Variants in OSBP2 observed in about 807,000 individuals in gnomAD.
OSBP2 encodes the protein oxysterol-binding protein 2.
Under a neutral mutation model 96.0 loss-of-function variants are expected in OSBP2, and 66 were observed. That is an observed-to-expected ratio of 0.69 (90% CI 0.56 to 0.84). The LOEUF (loss-of-function observed/expected upper bound fraction) is 0.84. Ranked by LOEUF, OSBP2 falls within the 40% of genes least tolerant of loss-of-function variation. The pLI, the probability that OSBP2 is intolerant of heterozygous loss-of-function variation, is 0.00. For synonymous variants in OSBP2, 525 were observed against 520.9 expected (o/e 1.01, Z -0.11); for missense variants, 1,038 against 1,222.7 (o/e 0.85, Z 2.25).
chr22:30,738,473 T>A (rs532899257), intron 1 of OSBP2, among the ~76,000 whole-genome samples: 1 of 152,252 alleles, frequency 6.6e-6, no homozygotes, highest in East Asian at 1.9e-4. Flanking sequence ...GGGTTTTCCT[T>A]CAGCTACACG....
intron 9 of OSBP2, 72 bp from the exon 10 acceptor site, chr22:30,893,391 C>T: frequency 1.9e-6 from 3 of 1,545,954 alleles, no homozygotes; most frequent in South Asian, 1.1e-5. Context: ...TCTCAAGACA[C>T]CAGGCCTAAG....
intron 3 of OSBP2, among the ~76,000 whole-genome samples, chr22:30,875,974 C>T (rs2039570392): frequency 1.3e-5 from 2 of 152,234 alleles, no homozygotes; most frequent in South Asian, 4.1e-4. Context: ...TCTAAGATGA[C>T]CCAGGGCCGC....
chr22:30,762,811 G>C (rs2090222980), intron 2 of OSBP2, among the ~76,000 whole-genome samples: 1 of 152,130 alleles, frequency 6.6e-6, no homozygotes, highest in African/African-American at 2.4e-5. Flanking sequence ...TTGCTCCCAG[G>C]TGTTTGCTCC....
chr22:30,869,900 C>T (rs2039422770), intron 2 of OSBP2, among the ~76,000 whole-genome samples: 1 of 152,122 alleles, frequency 6.6e-6, no homozygotes, highest in East Asian at 1.9e-4. Context: ...CAGGCCTTTG[C>T]AGGGAACAGG....
intron 12 of OSBP2, among the ~76,000 whole-genome samples, chr22:30,898,153 C>T (rs2040107356): frequency 6.6e-6 from 1 of 151,998 alleles, no homozygotes; most frequent in East Asian, 1.9e-4. Context: ...AAAGCCTGCG[C>T]AACATAGTGA....
chr22:30,832,246 A>T (rs1569142397), intron 2 of OSBP2, among the ~76,000 whole-genome samples: 2 of 151,992 alleles, frequency 1.3e-5, no homozygotes, highest in Non-Finnish European at 2.9e-5. Context: ...CTGTATATAT[A>T]TGTAAATGAT....
intron 1 of OSBP2, among the ~76,000 whole-genome samples, chr22:30,696,562 C>T (rs145329450): frequency 4.6e-5 from 7 of 152,328 alleles, no homozygotes; most frequent in African/African-American, 1.4e-4. Context: ...CACAAAAGGA[C>T]CTTGACTTGC....
chr22:30,769,646 C>A (rs1332691097), intron 2 of OSBP2, among the ~76,000 whole-genome samples: 3 of 152,004 alleles, frequency 2.0e-5, no homozygotes, highest in Non-Finnish European at 4.4e-5. Flanking sequence ...GAGACTCCAT[C>A]TCAAAAACAA....
intron 2 of OSBP2, among the ~76,000 whole-genome samples, chr22:30,808,641 T>A (rs136257): frequency 0.18 from 26,753 of 152,226 alleles, 2,537 homozygotes; most frequent in East Asian, 0.21. Flanking sequence ...ATATGTCTGA[T>A]GTCCTTATGA....
At chr22:30,860,558 C>T (rs1054054279) in intron 2 of OSBP2, among the ~76,000 whole-genome samples, 3 of 152,254 alleles carry the variant, frequency 2.0e-5, no homozygotes, top group African/African-American at 7.2e-5. Context: ...GCCCAGCTGG[C>T]ATGGGGTCTG....
At chr22:30,897,031 GAC>G (rs1434419426) in intron 12 of OSBP2, among the ~76,000 whole-genome samples, 1 of 152,020 alleles carries the variant, frequency 6.6e-6, no homozygotes, top group Non-Finnish European at 1.5e-5. Context: ...GAAATTAAAA[GAC>G]ACATATCATG....
In OSBP2 at chr22:30,881,414, ACTCT is replaced by A. The variant is rs1349100346; in HGVS notation, c.1108-6009_1108-6006del. Among the ~76,000 whole-genome samples the A allele has an allele frequency of 6.6e-6, 1 of 151,670 alleles. No individual in the cohort carries two copies. The highest frequency in any genetic ancestry group is 1.9e-4 in the East Asian group (1 of 5,172). On this transcript the variant is annotated intron_variant, in intron 3 of 13. Coordinates refer to ENST00000332585, the MANE Select transcript of OSBP2 (RefSeq NM_030758.4). The surrounding 1 kb of genome is among the most constrained non-coding windows in gnomAD (Gnocchi z 4.5). ...CCTCCAGCTCCCACTAGGACCCCTC[ACTCT>A]CTTCCCCTTAAACAATTCAGGACAC...
rs548510235 is a variant in OSBP2, at chr22:30,881,192, A to G, written c.1108-6234A>G. ...ATACCCCCAACACCCCTTTCACCAG[A>G]ACCCTCTGTGCAGCACTTGGGGGTA... On this transcript the variant is annotated intron_variant, in intron 3 of 13. Transcript: ENST00000332585. The surrounding 1 kb of genome is among the most constrained non-coding windows in gnomAD (Gnocchi z 4.5). Among the ~76,000 whole-genome samples, 1 of 152,132 alleles carries G rather than the reference A, an allele frequency of 6.6e-6. No homozygotes were observed. The highest frequency in any genetic ancestry group is 1.9e-4 in the East Asian group (1 of 5,160).
intron 2 of OSBP2, among the ~76,000 whole-genome samples, chr22:30,812,442 A>G (rs2091021642): frequency 6.6e-6 from 1 of 152,240 alleles, no homozygotes; most frequent in African/African-American, 2.4e-5. Context: ...CTAGGATTAT[A>G]GGCTTGAGCC....
chr22:30,829,553 G>T (rs2038480064), intron 2 of OSBP2, among the ~76,000 whole-genome samples: 1 of 152,176 alleles, frequency 6.6e-6, no homozygotes, highest in South Asian at 2.1e-4. Context: ...AAAGTGCTGG[G>T]ATTACAGGCG....
At chr22:30,880,127 C>T (rs1015940442) in intron 3 of OSBP2, among the ~76,000 whole-genome samples, 6 of 152,174 alleles carry the variant, frequency 3.9e-5, no homozygotes, top group African/African-American at 1.4e-4. Context: ...CAGTGAGTCC[C>T]CTGGCCATGC....
chr22:30,717,088 TTTTG>T (rs1183379510), intron 1 of OSBP2, among the ~76,000 whole-genome samples: 33 of 100,728 alleles, frequency 3.3e-4, no homozygotes, highest in African/African-American at 1.1e-3. Flanking sequence ...ATTTTACTGT[TTTTG>T]TGTGTGTGTG....
chr22:30,695,757 G>A (rs1210704722), intron 1 of OSBP2, among the ~76,000 whole-genome samples: 1 of 152,218 alleles, frequency 6.6e-6, no homozygotes, highest in South Asian at 2.1e-4. Flanking sequence ...GTGATCTGCG[G>A]ACATGACCTC....
chr22:30,841,125 A>G (rs1165850909), intron 2 of OSBP2, among the ~76,000 whole-genome samples: 11 of 152,150 alleles, frequency 7.2e-5, no homozygotes, highest in Admixed American at 6.5e-4. Context: ...AGATTGCATC[A>G]CTGTACTCCA....
Sources: allele counts gnomAD v4.1 joint callset (sites outside exome capture counted in the v4.1 genomes callset), GRCh38; gene constraint gnomAD v4.1.1; non-coding constraint Gnocchi (gnomAD v3.1); transcripts MANE v1.5; gene names NCBI Gene and HGNC (gene_info 2026-07-23, HGNC 2026-07-21).